The following MMP26 variants were observed in gnomAD, a reference collection of about 807,000 sequenced individuals.
MMP26 encodes matrix metalloproteinase-26.
MMP26 carries 33 observed loss-of-function variants against 31.0 expected under a neutral mutation model. That is an observed-to-expected ratio of 1.06 (90% CI 0.81 to 1.42). The LOEUF is 1.42. MMP26 is among the 40% of genes most tolerant of loss of function. MMP26 has a pLI of 0.00. For missense variants in MMP26, 347 were observed against 316.1 expected, an observed-to-expected ratio of 1.10 and a Z score of -0.74; for synonymous variants, 122 against 114.9, an observed-to-expected ratio of 1.06 and a Z score of -0.40.
intron 1 of MMP26, among the ~76,000 whole-genome samples, chr11:4,760,901 T>C (rs369337113): frequency 4.1e-4 from 62 of 152,334 alleles, no homozygotes; most frequent in African/African-American, 1.5e-3. Flanking sequence ...ATTTTGGGAT[T>C]TGGTTATTAT....
rs763248648 is a variant in MMP26, at chr11:4,955,332, T to C, written c.-144-32736T>C. On this transcript the variant is annotated intron_variant, in intron 2 of 7. Coordinates refer to ENST00000380390, the MANE Select transcript of MMP26 (RefSeq NM_021801.5). ...GAGGTGTATCTCAGAGGATTGTGGATGGCTAGGAATCTATCAAATGACATG... is the reference window on the plus strand; with the variant it reads ...GAGGTGTATCTCAGAGGATTGTGGACGGCTAGGAATCTATCAAATGACATG... 4 of 1,139,622 alleles carry C rather than the reference T, an allele frequency of 3.5e-6. No individual in the cohort carries two copies. In the South Asian group the frequency reaches 5.1e-5, roughly 15 times the overall value. The allele number at this position is 1,139,622 out of a possible 1,614,324, so 70.6% of individuals were successfully genotyped here. A position where few individuals can be genotyped will look rare whatever the true frequency, so the allele number is the denominator to read the frequency against.
chr11:4,723,490 A>C, intron 1 of MMP26: 5 of 1,111,916 alleles, frequency 4.5e-6, no homozygotes, highest in South Asian at 3.7e-5. Context: ...CAGCTCTGGG[A>C]TCTCCTCTTC....
chr11:4,820,049 A>G (rs1162361004), intron 2 of MMP26, among the ~76,000 whole-genome samples: 2 of 152,194 alleles, frequency 1.3e-5, no homozygotes, highest in African/African-American at 4.8e-5. Context: ...AACATTTGAC[A>G]CATCAAACTC....
chr11:4,955,886 A>C (rs1357873881), intron 2 of MMP26, among the ~76,000 whole-genome samples: 1 of 152,228 alleles, frequency 6.6e-6, no homozygotes, highest in Non-Finnish European at 1.5e-5. Context: ...TTATGTGGCT[A>C]TCATAATGAA....
intron 2 of MMP26, chr11:4,955,647 C>G: frequency 6.5e-7 from 1 of 1,528,154 alleles, no homozygotes; most frequent in Non-Finnish European, 9.0e-7. Flanking sequence ...TGTGCATATT[C>G]TAGCCCTGGC....
chr11:4,723,163 A>G, intron 1 of MMP26: 2 of 1,598,886 alleles, frequency 1.3e-6, no homozygotes, highest in East Asian at 4.5e-5. Context: ...CCAGCTCCCC[A>G]CGCTGCTCGG....
intron 2 of MMP26, chr11:4,914,841 G>T: frequency 6.2e-7 from 1 of 1,614,032 alleles, no homozygotes; most frequent in Non-Finnish European, 8.5e-7. Flanking sequence ...TGGACCAGGT[G>T]GGGTGCCTGC....
At chr11:4,716,100 T>C (rs937799897) in intron 1 of MMP26, among the ~76,000 whole-genome samples, 13 of 152,150 alleles carry the variant, frequency 8.5e-5, no homozygotes, top group African/African-American at 2.9e-4. Context: ...AGCAAGAAAT[T>C]GGAGACCTCA....
intron 2 of MMP26, among the ~76,000 whole-genome samples, chr11:4,885,844 C>T (rs1850539369): frequency 6.6e-6 from 1 of 152,078 alleles, no homozygotes; most frequent in Admixed American, 6.6e-5. Flanking sequence ...GCTTTGCTTT[C>T]ATTATCCATC....
At chr11:4,911,359 A>C (rs1438159041) in intron 2 of MMP26, among the ~76,000 whole-genome samples, 1 of 152,202 alleles carries the variant, frequency 6.6e-6, no homozygotes, top group Non-Finnish European at 1.5e-5. Context: ...AAGTTGCAAA[A>C]TGTGCCAGAC....
intron 2 of MMP26, chr11:4,946,585 C>G (rs775405916): frequency 6.4e-7 from 1 of 1,573,318 alleles, no homozygotes; most frequent in African/African-American, 1.4e-5. Flanking sequence ...ATTGGTTTTT[C>G]TTGCAATATC....
At chr11:4,848,032 G>A in intron 2 of MMP26, 1 of 562,928 alleles carries the variant, frequency 1.8e-6, no homozygotes, top group Non-Finnish European at 3.1e-6. Flanking sequence ...GATATGTAAT[G>A]TACCAGTGGG....
chr11:4,981,559 T>G (rs1162320823), intron 2 of MMP26, among the ~76,000 whole-genome samples: 1 of 152,256 alleles, frequency 6.6e-6, no homozygotes, highest in East Asian at 1.9e-4. Flanking sequence ...GCCTAGAGGT[T>G]GCTCTGGGTG....
chr11:4,727,467 A>G (rs1016232466), intron 1 of MMP26, among the ~76,000 whole-genome samples: 10 of 152,138 alleles, frequency 6.6e-5, no homozygotes, highest in Non-Finnish European at 1.0e-4. Flanking sequence ...AAAAATCTGT[A>G]TTTTTTAAAA....
chr11:4,946,260 G>C lies in MMP26; in HGVS notation c.-144-41808G>C, dbSNP rs773876490. 1.9e-5 allele frequency: 30 copies of C among 1,613,838 alleles called. No individual in the cohort carries two copies. The African/African-American group carries it at 2.8e-4, about 15-fold the overall frequency. ...TTCGTCAGTGGAGGTACAAGTAGGA[G>C]AACATTTGCCATGAGAACATTAATG... On this transcript the variant is annotated intron_variant, in intron 2 of 7. Coordinates refer to ENST00000380390, the MANE Select transcript of MMP26 (RefSeq NM_021801.5).
intron 2 of MMP26, among the ~76,000 whole-genome samples, chr11:4,975,095 T>G (rs758304937): frequency 1.4e-4 from 22 of 152,006 alleles, no homozygotes; most frequent in Non-Finnish European, 2.5e-4. Flanking sequence ...GTCCTGCACA[T>G]GTACCCCAGA....
intron 2 of MMP26, among the ~76,000 whole-genome samples, chr11:4,978,602 T>G (rs1846771508): frequency 6.6e-6 from 1 of 152,074 alleles, no homozygotes; most frequent in South Asian, 2.1e-4. Flanking sequence ...TTTTCCTTCA[T>G]AATAAAAATG....
intron 2 of MMP26, among the ~76,000 whole-genome samples, chr11:4,916,970 G>A (rs1335114267): frequency 6.6e-6 from 1 of 152,188 alleles, no homozygotes; most frequent in Non-Finnish European, 1.5e-5. Flanking sequence ...GCTCAGGAGA[G>A]TCTTGTCACT....
rs57867455 is a variant in MMP26 at position 4,959,237 on chromosome 11, CAAAAAAAAAAAAA to C, written c.-144-28816_-144-28804del. 3.2e-3 allele frequency among the ~76,000 whole-genome samples: 236 copies of C among 74,468 alleles called. 1 individual carries two copies. The highest frequency in any genetic ancestry group is 0.011 in the African/African-American group (228 of 20,000). The allele number at this position is 74,468 out of a possible 152,430, so 48.9% of individuals were successfully genotyped here. On this transcript the variant is annotated intron_variant, in intron 2 of 7. Coordinates refer to ENST00000380390, the MANE Select transcript of MMP26 (RefSeq NM_021801.5). The stretch of plus-strand genomic sequence containing the variant: ...TGGGCGACAGAGAGAAACTCTGTCT[CAAAAAAAAAAAAA>C]AAAAAAAAAAAAAATCTTACAAGAT...
Sources: allele counts gnomAD v4.1 joint callset (sites outside exome capture counted in the v4.1 genomes callset), GRCh38; gene constraint gnomAD v4.1.1; transcripts MANE v1.5; gene names NCBI Gene and HGNC (gene_info 2026-07-23, HGNC 2026-07-21).